The following FRS2 variants were observed in gnomAD, a reference collection of about 807,000 sequenced individuals.
The protein encoded by FRS2 is fibroblast growth factor receptor substrate 2, also known as FGFR signalling adaptor.
Under a neutral mutation model 43.9 loss-of-function variants are expected in FRS2, and 8 were observed. The ratio of observed to expected loss-of-function variants is 0.18; its 90% CI spans 0.11 to 0.33. FRS2 has a LOEUF of 0.33. FRS2 is among the 10% of genes least tolerant of loss of function. FRS2 has a pLI of 1.00. For synonymous variants in FRS2, 219 were observed against 220.3 expected, an observed-to-expected ratio of 0.99 and a Z score of 0.05; for missense variants, 534 against 627.6, an observed-to-expected ratio of 0.85 and a Z score of 1.59.
intron 1 of FRS2, among the ~76,000 whole-genome samples, chr12:69,476,240 A>G (rs1378937491): frequency 6.6e-6 from 1 of 152,196 alleles, no homozygotes; most frequent in South Asian, 2.1e-4. Context: ...GTCAAGATTC[A>G]CAGTCAATAC....
intron 3 of FRS2, 104 bp downstream of exon 3, chr12:69,532,160 C>G (rs1373663812): frequency 1.3e-5 from 2 of 152,132 alleles, no homozygotes; most frequent in Non-Finnish European, 2.9e-5. Context: ...AATATCTTTT[C>G]TTTATTATGG....
chr12:69,571,169 C>T (rs529342555), intron 6 of FRS2, 107 bp from the exon 7 acceptor site: 5 of 631,734 alleles, frequency 7.9e-6, no homozygotes, highest in Middle Eastern at 4.1e-4. Flanking sequence ...GGATTTCTGA[C>T]TCGGTGCGTA....
chr12:69,524,670 A>G (rs1045222222), intron 1 of FRS2, among the ~76,000 whole-genome samples: 1 of 152,006 alleles, frequency 6.6e-6, no homozygotes, highest in Non-Finnish European at 1.5e-5. Context: ...AAAATCTCCT[A>G]TGGGGGCAGG....
chr12:69,540,202 GA>G (rs962880041), intron 3 of FRS2, among the ~76,000 whole-genome samples: 11 of 151,612 alleles, frequency 7.3e-5, no homozygotes, highest in African/African-American at 2.7e-4. Flanking sequence ...GCAGTGAGCC[GA>G]GATGGCTCCA....
chr12:69,497,005 A>G (rs1489999447), intron 1 of FRS2, among the ~76,000 whole-genome samples: 1 of 152,226 alleles, frequency 6.6e-6, no homozygotes, highest in African/African-American at 2.4e-5. Context: ...AAAATGGATG[A>G]TATTAAATAA....
intron 8 of FRS2, 86 bp from the exon 9 acceptor site, chr12:69,573,916 TGTC>T: frequency 1.3e-6 from 1 of 790,402 alleles, no homozygotes; most frequent in South Asian, 1.8e-5. Context: ...AGTTAACTGT[TGTC>T]AATAAAATTA....
At chr12:69,478,636 T>C (rs1168404883) in intron 1 of FRS2, among the ~76,000 whole-genome samples, 1 of 152,188 alleles carries the variant, frequency 6.6e-6, no homozygotes, top group Non-Finnish European at 1.5e-5. Context: ...ATTCTAAATT[T>C]TTGGGGAGGA....
intron 3 of FRS2, among the ~76,000 whole-genome samples, chr12:69,552,038 G>A (rs2135739116): frequency 6.6e-6 from 1 of 152,032 alleles, no homozygotes; most frequent in South Asian, 2.1e-4. Flanking sequence ...GGGCACGGTG[G>A]CTCATGCCTG....
intron 1 of FRS2, among the ~76,000 whole-genome samples, chr12:69,489,816 GTTTT>G (rs35733726): frequency 6.9e-6 from 1 of 144,716 alleles, no homozygotes; most frequent in African/African-American, 2.5e-5. Context: ...AGTTTTTGGG[GTTTT>G]TTTTTTTGGC....
At chr12:69,568,429 G>A (rs1471550929) in intron 4 of FRS2, among the ~76,000 whole-genome samples, 4 of 152,112 alleles carry the variant, frequency 2.6e-5, no homozygotes, top group African/African-American at 4.8e-5. Context: ...TGGTAGTCCT[G>A]TAGTCCCAGC....
chr12:69,558,291 A>G (rs1398615170), intron 3 of FRS2, among the ~76,000 whole-genome samples: 1 of 152,220 alleles, frequency 6.6e-6, no homozygotes, highest in Admixed American at 6.5e-5. Flanking sequence ...TTGTTTTCTT[A>G]CCAATGTTAA....
intron 1 of FRS2, among the ~76,000 whole-genome samples, chr12:69,508,431 C>G (rs1030960235): frequency 2.0e-5 from 3 of 152,112 alleles, no homozygotes; most frequent in African/African-American, 4.8e-5. Flanking sequence ...ATGAATTGTT[C>G]TACAAGAAAG....
chr12:69,574,822 C>G lies in FRS2; in HGVS notation c.1394C>G (p.Thr465Ser). ...ACAACTCCCCTTCCACAAACCCCTA[C>G]CAGGCGCACAGAGCTGTATGCCGTG... ...TPTTPLPQTPTRRTELYAVID... is the reference protein window; with the variant it reads ...TPTTPLPQTPSRRTELYAVID... Residue 465 changes from threonine (T) to serine (S), a missense_variant, in exon 9 of 9, where the codon ACC becomes AGC. Physicochemically the swap from Thr to Ser is moderately conservative, Grantham distance 58 (BLOSUM62 1). Transcript: ENST00000549921. 1 of 1,614,074 alleles carries G rather than the reference C, an allele frequency of 6.2e-7. No homozygotes were observed. Among genetic ancestry groups the G allele is most frequent in the Non-Finnish European group, 8.5e-7 (1 of 1,179,976 alleles).
intron 3 of FRS2, chr12:69,557,851 C>G (rs1415240908): frequency 6.6e-6 from 1 of 152,096 alleles, no homozygotes; most frequent in South Asian, 2.1e-4. Flanking sequence ...ACCAACACTA[C>G]TAAAGGTAGA....
chr12:69,514,267 A>G (rs543949391), intron 1 of FRS2, among the ~76,000 whole-genome samples: 97 of 152,312 alleles, frequency 6.4e-4, no homozygotes, highest in Non-Finnish European at 1.3e-4. Flanking sequence ...CATAATTCCC[A>G]TGAGGATGCC....
At chr12:69,496,910 A>T (rs770522551) in intron 1 of FRS2, among the ~76,000 whole-genome samples, 1 of 152,184 alleles carries the variant, frequency 6.6e-6, no homozygotes, top group Non-Finnish European at 1.5e-5. Flanking sequence ...AGTTACACAC[A>T]CTCTGTCTCT....
Position 69,561,315 on chromosome 12 carries a change from T to C in FRS2, c.-121-865T>C, listed in dbSNP as rs1006513094. Among the ~76,000 whole-genome samples the C allele has an allele frequency of 2.0e-5, 3 of 152,052 alleles. No individual in the cohort carries two copies. In the East Asian group the frequency reaches 5.9e-4, roughly 30 times the overall value. The stretch of plus-strand genomic sequence containing the variant: ...TAAAATTGAAGTTCAGAGTTGAAAT[T>C]GTTGCATTTGAAGTTCAGAGTTGAA... On this transcript the variant is annotated intron_variant, in intron 3 of 8. Transcript: ENST00000549921.
At chr12:69,564,946 A>G (rs1880164897) in intron 4 of FRS2, among the ~76,000 whole-genome samples, 1 of 152,216 alleles carries the variant, frequency 6.6e-6, no homozygotes, top group African/African-American at 2.4e-5. Flanking sequence ...CAGTGTGGAT[A>G]GAGTCCCCAA....
At chr12:69,478,815 A>G (rs1309133026) in intron 1 of FRS2, among the ~76,000 whole-genome samples, 1 of 151,960 alleles carries the variant, frequency 6.6e-6, no homozygotes, top group Non-Finnish European at 1.5e-5. Flanking sequence ...TAAAAAACAG[A>G]ACACTGCCAG....
Sources: gnomAD v4.1 joint callset for allele counts (sites outside exome capture counted in the v4.1 genomes callset) on GRCh38, gnomAD v4.1.1 for gene constraint, MANE v1.5 for transcripts, NCBI Gene and HGNC (gene_info 2026-07-23, HGNC 2026-07-21) for gene names.